Variants in DYNC1H1 observed in about 807,000 individuals in gnomAD.
DYNC1H1 encodes the protein dynein cytoplasmic 1 heavy chain 1, also known as cytoplasmic dynein 1 heavy chain 1.
In DYNC1H1, 51 loss-of-function variants were observed where a neutral mutation model predicts 527.1. That is an observed-to-expected ratio of 0.10 (90% CI 0.08 to 0.12). The LOEUF is 0.12. DYNC1H1 is among the 10% of genes least tolerant of loss of function. The probability of loss-of-function intolerance (pLI) is 1.00; values close to 1 mark genes in which losing one functional copy is unlikely to be tolerated. For missense variants in DYNC1H1, 2,771 were observed against 5,971.8 expected, an observed-to-expected ratio of 0.46 and a Z score of 17.66; for synonymous variants, 2,189 against 2,278.8, an observed-to-expected ratio of 0.96 and a Z score of 1.12.
Position 102,039,251 on chromosome 14 carries a change from G to T in DYNC1H1, c.11457G>T (p.Lys3819Asn). ...TCTACTTCACCATGGAGTCCCTCAA[G>T]CAGGTGGGTGCCTTGGCCATGCAGA... is the stretch of plus-strand genomic sequence containing the variant. ...SSIYFTMESL[K>N]QIHFLYQYSL... Residue 3819 changes from lysine (K) to asparagine (N), a missense_variant, in exon 60 of 78, where the codon AAG becomes AAT. Lys to Asn is a moderately conservative substitution (Grantham distance 94, BLOSUM62 0). This residue lies in a region of DYNC1H1 where 283 missense variants were observed against 737.6 expected (regional missense o/e 0.38). Transcript: ENST00000360184. This position sits in a 1 kb window ranked among gnomAD's most constrained non-coding sequence, Gnocchi z 7.0. 6.2e-7 allele frequency: 1 copy of T among 1,613,386 alleles called. No homozygotes were observed. The highest frequency in any genetic ancestry group is 8.5e-7 in the Non-Finnish European group (1 of 1,180,024).
chr14:102,022,200 AAG>A (rs2048392327), intron 42 of DYNC1H1, among the ~76,000 whole-genome samples: 1 of 152,032 alleles, frequency 6.6e-6, no homozygotes, highest in Admixed American at 6.6e-5. Context: ...GTAAGTAAGT[AAG>A]AGTGAGACTC....
At chr14:101,982,321 C>T (rs6575890) in intron 5 of DYNC1H1, among the ~76,000 whole-genome samples, 17,839 of 151,990 alleles carry the variant, frequency 0.12, 1,668 homozygotes, top group African/African-American at 0.26. Flanking sequence ...AGGCTGGGTG[C>T]GGTGGCTCAC....
chr14:102,040,101 T>A (rs2048628007), intron 62 of DYNC1H1, 135 bp from the exon 63 acceptor site: 1 of 1,253,046 alleles, frequency 8.0e-7, no homozygotes, highest in South Asian at 1.2e-5. Flanking sequence ...CACCTCGGCC[T>A]CCCAGAGTGC....
chr14:102,008,161 C>A lies in DYNC1H1; in HGVS notation c.5818-17C>A, dbSNP rs563758908. On this transcript the variant is annotated splice_polypyrimidine_tract_variant and intron_variant, in intron 28 of 77. Transcript: ENST00000360184. ...CACAGCAGGTGGTTTTAGCGCCTTT[C>A]TTCCTCTCCTTTCCAGGCAATGGGC... The A allele has an allele frequency of 1.7e-4, 279 of 1,613,666 alleles. 3 individuals are homozygous for A. In the South Asian group the frequency reaches 2.9e-3, roughly 17 times the overall value.
chr14:102,034,273 A>T, intron 55 of DYNC1H1, 52 bp from the exon 56 acceptor site: 2 of 1,614,258 alleles, frequency 1.2e-6, no homozygotes, highest in Non-Finnish European at 1.7e-6. Flanking sequence ...TCTTGAGAAC[A>T]GTCCCATCTG....
At chr14:101,989,033 G>C (rs1166714722) in intron 10 of DYNC1H1, among the ~76,000 whole-genome samples, 181 bp downstream of exon 10, 1 of 152,190 alleles carries the variant, frequency 6.6e-6, no homozygotes, top group African/African-American at 2.4e-5. Flanking sequence ...GATGTGATGC[G>C]ATGGGAAGGG....
At chr14:102,007,238 C>T in intron 28 of DYNC1H1, 130 bp downstream of exon 28, 4 of 858,302 alleles carry the variant, frequency 4.7e-6, no homozygotes, top group Non-Finnish European at 7.6e-6. Flanking sequence ...CCTCCTGAGT[C>T]CTGTAGTAGG....
rs2048688014 is a variant in DYNC1H1 at position 102,044,293 on chromosome 14, C to T, written c.12704C>T (p.Pro4235Leu). ...DTAKGRQNIS[P>L]DKIPWSALKT... Reference sequence around the variant, plus strand: ...CCCCAGGGCAGGCAGAACATCTCACCGGATAAGATCCCGTGGTCTGCACTA... The same window carrying T: ...CCCCAGGGCAGGCAGAACATCTCACTGGATAAGATCCCGTGGTCTGCACTA... Residue 4235 changes from proline to leucine, a missense_variant, in exon 71 of 78, where the codon CCG becomes CTG. Physicochemically the swap from Pro to Leu is moderately conservative, Grantham distance 98. This residue lies in a region of DYNC1H1 where 195 missense variants were observed against 428.6 expected (regional missense o/e 0.45). Coordinates refer to ENST00000360184, the MANE Select transcript of DYNC1H1 (RefSeq NM_001376.5). The surrounding 1 kb of genome is among the most constrained non-coding windows in gnomAD (Gnocchi z 7.1). 1 of 1,614,112 alleles carries T rather than the reference C, an allele frequency of 6.2e-7. No homozygotes were observed. Among genetic ancestry groups the T allele is most frequent in the Non-Finnish European group, 8.5e-7 (1 of 1,180,028 alleles).
chr14:102,038,976 ACT>A lies in DYNC1H1; in HGVS notation c.11207-22_11207-21del, dbSNP rs2048610256. 6.2e-7 allele frequency: 1 copy of A among 1,613,702 alleles called. No individual in the cohort carries two copies. ...CATACCTTTTGAAGGATTATTGCAA[ACT>A]CTGGATGTTTTATTCATTTAAGGGG... is the stretch of plus-strand genomic sequence containing the variant. On this transcript the variant is annotated intron_variant, in intron 59 of 77. Coordinates refer to ENST00000360184, the MANE Select transcript of DYNC1H1 (RefSeq NM_001376.5). The surrounding 1 kb of genome is among the most constrained non-coding windows in gnomAD (Gnocchi z 7.2).
At chr14:101,982,748 A>G (rs2047883280) in intron 5 of DYNC1H1, among the ~76,000 whole-genome samples, 1 of 144,294 alleles carries the variant, frequency 6.9e-6, no homozygotes, top group Admixed American at 7.4e-5. Context: ...GGCCACTGAT[A>G]TAGAAAGCAA....
In DYNC1H1 at chr14:102,042,902, C is replaced by A; in HGVS notation, c.12513+154C>A. 1 of 858,996 alleles carries A rather than the reference C, an allele frequency of 1.2e-6. No individual in the cohort carries two copies. The highest frequency in any genetic ancestry group is 1.9e-6 in the Non-Finnish European group (1 of 531,232). 53.2% of individuals were successfully genotyped at this position (858,996 alleles called of 1,614,324 possible). The stretch of plus-strand genomic sequence containing the variant: ...TTCAGCTGTAGGTAAAATTTCCTTC[C>A]ATGGCCGGGCACCGTGGCTCACACT... On this transcript the variant is annotated intron_variant, in intron 69 of 77. Transcript: ENST00000360184. The surrounding 1 kb of genome is among the most constrained non-coding windows in gnomAD (Gnocchi z 5.7).
At chr14:101,996,933 G>C (rs1434339940) in intron 15 of DYNC1H1, 102 bp from the exon 16 acceptor site, 1 of 1,502,166 alleles carries the variant, frequency 6.7e-7, no homozygotes, top group Non-Finnish European at 9.0e-7. Context: ...AGTCTTACGT[G>C]TTTTATAACT....
rs527450164 is a variant in DYNC1H1, at chr14:102,001,395, G to C, written c.4395+41G>C. 2 of 1,601,220 alleles carry C rather than the reference G, an allele frequency of 1.2e-6. No individual in the cohort carries two copies. Among genetic ancestry groups the C allele is most frequent in the Non-Finnish European group, 1.7e-6 (2 of 1,179,226 alleles). The stretch of plus-strand genomic sequence containing the variant: ...GAACGGCTGCTTTACGTTGTGTTTC[G>C]GGCTGTTACATAGATCTGAGCTATG... On this transcript the variant is annotated intron_variant, in intron 20 of 77. Transcript: ENST00000360184. The surrounding 1 kb of genome is among the most constrained non-coding windows in gnomAD (Gnocchi z 5.0).
At chr14:101,973,805 A>G (rs2047767686) in intron 1 of DYNC1H1, among the ~76,000 whole-genome samples, 1 of 152,202 alleles carries the variant, frequency 6.6e-6, no homozygotes, top group Admixed American at 6.5e-5. Context: ...CATTGTCTCT[A>G]AATAAATAAA....
At chr14:101,975,071 G>C (rs140897243) in intron 1 of DYNC1H1, among the ~76,000 whole-genome samples, 1 of 152,198 alleles carries the variant, frequency 6.6e-6, no homozygotes, top group African/African-American at 2.4e-5. Flanking sequence ...GCCTGGCCTT[G>C]ATGAAAACTG....
Position 102,032,485 on chromosome 14 carries a change from C to T in DYNC1H1, c.10079+18C>T. The stretch of plus-strand genomic sequence containing the variant: ...GAGATCAGGTGAGAAAGTGGAAGTG[C>T]CAAGGTATTGCCAGAAATTGAAATC... On this transcript the variant is annotated intron_variant, in intron 52 of 77. Transcript: ENST00000360184. 6.2e-7 allele frequency: 1 copy of T among 1,613,914 alleles called. No individual in the cohort carries two copies. The highest frequency in any genetic ancestry group is 8.5e-7 in the Non-Finnish European group (1 of 1,180,002).
In DYNC1H1 at chr14:102,050,631, T is replaced by C. The variant is rs1368521468; in HGVS notation, c.*68T>C. 6 of 1,611,926 alleles carry C rather than the reference T, an allele frequency of 3.7e-6. No homozygotes were observed. Among genetic ancestry groups the C allele is most frequent in the Non-Finnish European group, 5.1e-6 (6 of 1,178,576 alleles). ...TTAACATTTATTCATTTTTAAAATATTTGGAAGGTCTGAGCTTGTGAAAAG... is the reference window on the plus strand; with the variant it reads ...TTAACATTTATTCATTTTTAAAATACTTGGAAGGTCTGAGCTTGTGAAAAG... On this transcript the variant is annotated 3_prime_UTR_variant, in exon 78 of 78. Coordinates refer to ENST00000360184, the MANE Select transcript of DYNC1H1 (RefSeq NM_001376.5).
In DYNC1H1 at chr14:102,036,421, G is replaced by C; in HGVS notation, c.10755-68G>C. On this transcript the variant is annotated intron_variant, in intron 56 of 77. Coordinates refer to ENST00000360184, the MANE Select transcript of DYNC1H1 (RefSeq NM_001376.5). The surrounding 1 kb of genome is among the most constrained non-coding windows in gnomAD (Gnocchi z 5.6). ...AATCAGGGTCTCTCATCAGGGACTCGGCTAACCGTGATCCTGTGCTTTCCC... is the reference window on the plus strand; with the variant it reads ...AATCAGGGTCTCTCATCAGGGACTCCGCTAACCGTGATCCTGTGCTTTCCC... 6.2e-7 allele frequency: 1 copy of C among 1,604,266 alleles called. No homozygotes were observed. The highest frequency in any genetic ancestry group is 8.5e-7 in the Non-Finnish European group (1 of 1,173,988).
rs758451573 is a variant in DYNC1H1 at position 101,983,362 on chromosome 14, C to CT, written c.1234-16dup. On this transcript the variant is annotated intron_variant, in intron 6 of 77. Coordinates refer to ENST00000360184, the MANE Select transcript of DYNC1H1 (RefSeq NM_001376.5). The surrounding 1 kb of genome is among the most constrained non-coding windows in gnomAD (Gnocchi z 5.3). The stretch of plus-strand genomic sequence containing the variant: ...AAATATGTCTTAATAATAAGCCTCA[C>CT]TTTTGAAATTATATCCTAGGTTATG... 3.7e-6 allele frequency: 6 copies of CT among 1,614,076 alleles called. No individual in the cohort carries two copies. Among genetic ancestry groups the CT allele is most frequent in the Non-Finnish European group, 4.2e-6 (5 of 1,179,960 alleles).
Sources: gnomAD v4.1 joint callset for allele counts (sites outside exome capture counted in the v4.1 genomes callset) on GRCh38, gnomAD v4.1.1 for gene constraint, gnomAD v4.1.1 regional missense constraint, Gnocchi (gnomAD v3.1) non-coding constraint, MANE v1.5 for transcripts, NCBI Gene and HGNC (gene_info 2026-07-23, HGNC 2026-07-21) for gene names.